SLC35F1: variants seen among roughly 807,000 people sequenced by gnomAD.
SLC35F1 encodes the protein solute carrier family 35 member F1.
In SLC35F1, 14 loss-of-function variants were observed where a neutral mutation model predicts 48.7. The ratio of observed to expected loss-of-function variants is 0.29; its 90% CI spans 0.19 to 0.45. SLC35F1 has a LOEUF of 0.45. SLC35F1 is among the 20% of genes least tolerant of loss of function. The pLI is 1.00. For missense variants in SLC35F1, 404 were observed against 500.0 expected, an observed-to-expected ratio of 0.81 and a Z score of 1.83; for synonymous variants, 190 against 202.2, an observed-to-expected ratio of 0.94 and a Z score of 0.51.
intron 2 of SLC35F1, among the ~76,000 whole-genome samples, chr6:118,220,258 C>A (rs1775130103): frequency 6.6e-6 from 1 of 151,846 alleles, no homozygotes; most frequent in Admixed American, 6.6e-5. Flanking sequence ...GAGAACAATG[C>A]ATAAGGACTG....
At chr6:118,312,586 G>A (rs1247980059) in intron 7 of SLC35F1, among the ~76,000 whole-genome samples, 1 of 152,178 alleles carries the variant, frequency 6.6e-6, no homozygotes, top group Non-Finnish European at 1.5e-5. Flanking sequence ...TAAAGGAATT[G>A]AGGGACAGGG....
At chr6:118,159,640 C>A (rs1774198754) in intron 2 of SLC35F1, among the ~76,000 whole-genome samples, 1 of 152,120 alleles carries the variant, frequency 6.6e-6, no homozygotes, top group Non-Finnish European at 1.5e-5. Flanking sequence ...GATTATGAAC[C>A]AGAGGCGAGG....
chr6:118,289,545 T>A (rs1241878038), intron 7 of SLC35F1, among the ~76,000 whole-genome samples: 1 of 152,234 alleles, frequency 6.6e-6, no homozygotes, highest in Non-Finnish European at 1.5e-5. Context: ...TGTATATTTT[T>A]ACAGTGCACA....
intron 2 of SLC35F1, among the ~76,000 whole-genome samples, chr6:118,178,936 G>A (rs555744014): frequency 6.6e-6 from 1 of 152,158 alleles, no homozygotes; most frequent in African/African-American, 2.4e-5. Context: ...TTATGTCCAC[G>A]TTATTACAAT....
chr6:118,212,393 C>T (rs974281490), intron 2 of SLC35F1, among the ~76,000 whole-genome samples: 1 of 152,062 alleles, frequency 6.6e-6, no homozygotes, highest in Non-Finnish European at 1.5e-5. Flanking sequence ...AATCTTGATT[C>T]AGAAATAATC....
chr6:118,315,615 A>C lies in SLC35F1; in HGVS notation c.*1363A>C, dbSNP rs565785595. The C allele has an allele frequency of 4.0e-5, 6 of 151,666 alleles. No individual in the cohort carries two copies. The South Asian group carries it at 1.3e-3, about 32-fold the overall frequency. The allele number at this position is 151,666 out of a possible 1,614,324, so 9.4% of individuals were successfully genotyped here. A position where few individuals can be genotyped will look rare whatever the true frequency, so the allele number is the denominator to read the frequency against. On this transcript the variant is annotated 3_prime_UTR_variant, in exon 8 of 8. Coordinates refer to ENST00000360388, the MANE Select transcript of SLC35F1 (RefSeq NM_001029858.4). Reference sequence around the variant, plus strand: ...CCACGACGCCCAGCTAATTTTTTGTATTTTTAGTAGAGATGGGGTTTCACC... The same window carrying C: ...CCACGACGCCCAGCTAATTTTTTGTCTTTTTAGTAGAGATGGGGTTTCACC...
intron 6 of SLC35F1, among the ~76,000 whole-genome samples, chr6:118,280,859 G>C (rs1056529284): frequency 6.8e-6 from 1 of 146,902 alleles, no homozygotes; most frequent in African/African-American, 2.5e-5. Context: ...AACAGAGCAA[G>C]AGTCTGTCCC....
chr6:117,910,993 A>G (rs1011624658), intron 1 of SLC35F1, among the ~76,000 whole-genome samples: 1 of 152,198 alleles, frequency 6.6e-6, no homozygotes, highest in Non-Finnish European at 1.5e-5. Flanking sequence ...TCTGCCTTAC[A>G]TTATTCAGCA....
intron 1 of SLC35F1, among the ~76,000 whole-genome samples, chr6:117,997,968 A>G (rs1423758847): frequency 2.0e-5 from 3 of 151,158 alleles, no homozygotes; most frequent in Non-Finnish European, 4.4e-5. Flanking sequence ...CAATTAAAAG[A>G]CACAGACTGG....
chr6:118,254,258 G>A lies in SLC35F1; in HGVS notation c.478-12737G>A, dbSNP rs539549576. 3.9e-5 allele frequency among the ~76,000 whole-genome samples: 6 copies of A among 152,240 alleles called. No individual in the cohort carries two copies. In the South Asian group the frequency reaches 1.2e-3, roughly 32 times the overall value. On this transcript the variant is annotated intron_variant, in intron 3 of 7. Coordinates refer to ENST00000360388, the MANE Select transcript of SLC35F1 (RefSeq NM_001029858.4). ...GGCATTCAATAAATGTCTTTTGGAT[G>A]AGTAAATAAGTGACTAGTATAAGGT... is the stretch of plus-strand genomic sequence containing the variant.
rs142306824 is a variant in SLC35F1 at position 118,020,841 on chromosome 6, G to A, written c.173+112942G>A. Among the ~76,000 whole-genome samples the A allele has an allele frequency of 5.2e-3, 787 of 152,216 alleles. 5 individuals carry two copies. Among genetic ancestry groups the A allele is most frequent in the African/African-American group, 0.018 (751 of 41,548 alleles). ...GGAATGTTTTTGACTATAGGAGCAG[G>A]GTGAATATGACTGAGCACTTTGTAG... On this transcript the variant is annotated intron_variant, in intron 1 of 7. Transcript: ENST00000360388.
Position 118,268,861 on chromosome 6 carries a change from C to T in SLC35F1, c.637+1707C>T, listed in dbSNP as rs566647415. On this transcript the variant is annotated intron_variant, in intron 4 of 7. Coordinates refer to ENST00000360388, the MANE Select transcript of SLC35F1 (RefSeq NM_001029858.4). ...CTGACCTCAAGTGCTCCACCAGCCT[C>T]GGCCTCCCAAAGTGCCAAGATTACA... Among the ~76,000 whole-genome samples the T allele has an allele frequency of 3.2e-3, 488 of 152,060 alleles. 3 individuals carry two copies. Among genetic ancestry groups the T allele is most frequent in the African/African-American group, 0.011 (472 of 41,486 alleles).
chr6:118,277,088 G>A (rs188283947), intron 5 of SLC35F1, among the ~76,000 whole-genome samples: 2 of 152,302 alleles, frequency 1.3e-5, no homozygotes, highest in Admixed American at 6.5e-5. Flanking sequence ...CCAGTTGGCT[G>A]TCATGTACAT....
chr6:118,015,955 A>AAATAAATT (rs1777315223), intron 1 of SLC35F1, among the ~76,000 whole-genome samples: 1 of 152,202 alleles, frequency 6.6e-6, no homozygotes, highest in Non-Finnish European at 1.5e-5. Flanking sequence ...GTTATTTGCT[A>AAATAAATT]AATAAATTGG....
chr6:118,052,227 T>A lies in SLC35F1; in HGVS notation c.174-102218T>A, dbSNP rs184465632. 1.3e-5 allele frequency among the ~76,000 whole-genome samples: 2 copies of A among 152,294 alleles called. 1 individual carries two copies. The highest frequency in any genetic ancestry group is 3.9e-4 in the East Asian group (2 of 5,172). On this transcript the variant is annotated intron_variant, in intron 1 of 7. Coordinates refer to ENST00000360388, the MANE Select transcript of SLC35F1 (RefSeq NM_001029858.4). ...AAACCATTTGGTAGTAAACACCATC[T>A]GTAAACAACTCACCATGTAAAAAGA...
intron 2 of SLC35F1, among the ~76,000 whole-genome samples, chr6:118,213,947 CATTGTTCTTTA>C (rs1775040581): frequency 1.3e-5 from 2 of 152,128 alleles, no homozygotes; most frequent in African/African-American, 4.8e-5. Flanking sequence ...TTTAATTTTA[CATTGTTCTTTA>C]AAATAATTTT....
chr6:118,103,753 T>G (rs1773291841), intron 1 of SLC35F1, among the ~76,000 whole-genome samples: 2 of 152,224 alleles, frequency 1.3e-5, no homozygotes, highest in African/African-American at 4.8e-5. Flanking sequence ...CCAATAGATC[T>G]GGGTTTGCCT....
At chr6:118,099,198 C>T (rs1467672686) in intron 1 of SLC35F1, among the ~76,000 whole-genome samples, 1 of 152,174 alleles carries the variant, frequency 6.6e-6, no homozygotes, top group Non-Finnish European at 1.5e-5. Context: ...TGAGGGCAAC[C>T]TCACTTGCTG....
chr6:118,018,012 T>C (rs925186264), intron 1 of SLC35F1, among the ~76,000 whole-genome samples: 16 of 152,184 alleles, frequency 1.1e-4, no homozygotes, highest in Admixed American at 2.6e-4. Context: ...GGACAAACTT[T>C]ATTTCTAGCA....
Sources: allele counts gnomAD v4.1 joint callset (sites outside exome capture counted in the v4.1 genomes callset), GRCh38; gene constraint gnomAD v4.1.1; transcripts MANE v1.5; gene names NCBI Gene and HGNC (gene_info 2026-07-23, HGNC 2026-07-21).